GRIN2A: variants seen among roughly 807,000 people sequenced by gnomAD.
The protein encoded by GRIN2A is glutamate receptor ionotropic, NMDA 2A.
In GRIN2A, 22 loss-of-function variants were observed where a neutral mutation model predicts 113.4. The ratio of observed to expected loss-of-function variants is 0.19; its 90% confidence interval spans 0.14 to 0.28. GRIN2A has a LOEUF of 0.28. Ranked by LOEUF, GRIN2A falls within the 10% of genes least tolerant of loss-of-function variation. The pLI, the probability that GRIN2A is intolerant of heterozygous loss-of-function variation, is 1.00. For missense variants in GRIN2A, 1,502 were observed against 1,887.0 expected (o/e 0.80, Z 3.78); for synonymous variants, 827 against 738.4 (o/e 1.12, Z -1.94).
intron 2 of GRIN2A, among the ~76,000 whole-genome samples, chr16:9,982,472 C>A (rs2045909378): frequency 6.6e-6 from 1 of 152,174 alleles, no homozygotes; most frequent in African/African-American, 2.4e-5. Flanking sequence ...AAAGAGAAAT[C>A]TTCCTTTGTC....
intron 2 of GRIN2A, among the ~76,000 whole-genome samples, chr16:9,965,821 A>G (rs2045546734): frequency 6.6e-6 from 1 of 152,156 alleles, no homozygotes; most frequent in African/African-American, 2.4e-5. Flanking sequence ...TAGCCCCAAA[A>G]CACAGCCAAG....
At chr16:10,106,883 G>C (rs1470146455) in intron 2 of GRIN2A, among the ~76,000 whole-genome samples, 1 of 152,162 alleles carries the variant, frequency 6.6e-6, no homozygotes, top group African/African-American at 2.4e-5. Flanking sequence ...AAGCCTGGGT[G>C]TTATTTCAGC....
chr16:10,174,203 T>C lies in GRIN2A; in HGVS notation c.414+5795A>G, dbSNP rs370763380. ...GCTAGCTGTGGATGGTGCTGGAACATCTGCACCATCCACCATTAGTCACAG... is the reference window on the plus strand; with the variant it reads ...GCTAGCTGTGGATGGTGCTGGAACACCTGCACCATCCACCATTAGTCACAG... On this transcript the variant is annotated intron_variant, in intron 2 of 12. Coordinates refer to ENST00000330684, the MANE Select transcript of GRIN2A (RefSeq NM_001134407.3). Among the ~76,000 whole-genome samples the C allele has an allele frequency of 5.1e-4, 78 of 152,172 alleles. 2 individuals carry two copies. The East Asian group carries it at 0.011, about 21-fold the overall frequency.
chr16:10,152,483 T>G (rs141307771), intron 2 of GRIN2A, among the ~76,000 whole-genome samples: 11 of 152,294 alleles, frequency 7.2e-5, no homozygotes, highest in Non-Finnish European at 1.3e-4. Flanking sequence ...CTATTGAAAT[T>G]CTATACATCC....
chr16:9,853,270 T>C (rs1287944624), intron 4 of GRIN2A, among the ~76,000 whole-genome samples: 1 of 152,160 alleles, frequency 6.6e-6, no homozygotes, highest in Non-Finnish European at 1.5e-5. Flanking sequence ...ACAGACTGAA[T>C]ATTTGCGTCC....
rs566759089 is a variant in GRIN2A at position 9,870,889 on chromosome 16, C to T, written c.1122+20097G>A. Among the ~76,000 whole-genome samples, 9 of 152,208 alleles carry T rather than the reference C, an allele frequency of 5.9e-5. No homozygotes were observed. The South Asian group carries it at 1.5e-3, about 25-fold the overall frequency. Reference sequence around the variant, plus strand: ...CTGAGCTCAGGCAATTCACCCTCCTCGGCCTCCCTAAGTGCTAGGATTATA... The same window carrying T: ...CTGAGCTCAGGCAATTCACCCTCCTTGGCCTCCCTAAGTGCTAGGATTATA... On this transcript the variant is annotated intron_variant, in intron 4 of 12. Transcript: ENST00000330684.
chr16:9,930,350 G>A (rs1381160406), intron 3 of GRIN2A, among the ~76,000 whole-genome samples: 2 of 152,194 alleles, frequency 1.3e-5, no homozygotes, highest in Non-Finnish European at 2.9e-5. Flanking sequence ...AAGAAGTTAA[G>A]GAACTCTCCC....
intron 11 of GRIN2A, among the ~76,000 whole-genome samples, chr16:9,770,285 GATGTA>G (rs1901188751): frequency 1.3e-5 from 2 of 152,124 alleles, no homozygotes; most frequent in African/African-American, 2.4e-5. Context: ...TGATCTCTAA[GATGTA>G]ATGGGGACAT....
At chr16:9,955,874 C>A (rs1429390073) in intron 2 of GRIN2A, among the ~76,000 whole-genome samples, 1 of 152,192 alleles carries the variant, frequency 6.6e-6, no homozygotes, top group East Asian at 1.9e-4. Flanking sequence ...CCAGCTTCAA[C>A]AAACCAGGAA....
At chr16:9,810,542 TAGA>T (rs1249524595) in intron 10 of GRIN2A, among the ~76,000 whole-genome samples, 1 of 152,208 alleles carries the variant, frequency 6.6e-6, no homozygotes. Context: ...CTGGAGTCCT[TAGA>T]AGAAGAGGAG....
intron 3 of GRIN2A, among the ~76,000 whole-genome samples, chr16:9,915,614 T>A (rs2044234410): frequency 6.6e-6 from 1 of 152,192 alleles, no homozygotes; most frequent in African/African-American, 2.4e-5. Context: ...TCACAGTTGC[T>A]CTGTCCAATG....
chr16:10,042,830 T>C (rs573116760), intron 2 of GRIN2A, among the ~76,000 whole-genome samples: 3 of 152,262 alleles, frequency 2.0e-5, no homozygotes, highest in Admixed American at 6.5e-5. Context: ...CACATTTGTG[T>C]CTGTATGCAA....
At chr16:10,016,940 A>G (rs940871376) in intron 2 of GRIN2A, among the ~76,000 whole-genome samples, 2 of 152,200 alleles carry the variant, frequency 1.3e-5, no homozygotes, top group Non-Finnish European at 2.9e-5. Context: ...ATCATCAGTC[A>G]CACTGGAAAA....
chr16:9,779,353 C>CT (rs1461632918), intron 11 of GRIN2A, among the ~76,000 whole-genome samples: 2 of 152,206 alleles, frequency 1.3e-5, no homozygotes, highest in Non-Finnish European at 2.9e-5. Context: ...TTTTCAGTTT[C>CT]TTTTTTATCG....
intron 2 of GRIN2A, among the ~76,000 whole-genome samples, chr16:10,069,611 C>A (rs1427105510): frequency 6.6e-6 from 1 of 152,252 alleles, no homozygotes; most frequent in Non-Finnish European, 1.5e-5. Flanking sequence ...CCACCAGGGA[C>A]AGATATAGTA....
intron 2 of GRIN2A, among the ~76,000 whole-genome samples, chr16:10,005,551 A>T (rs1218716983): frequency 1.3e-5 from 2 of 152,334 alleles, no homozygotes; most frequent in East Asian, 1.9e-4. Context: ...GGGGGGGTCC[A>T]CGCCCTACCT....
chr16:9,816,055 A>C (rs1049740429), intron 10 of GRIN2A, among the ~76,000 whole-genome samples: 8 of 152,270 alleles, frequency 5.3e-5, no homozygotes, highest in African/African-American at 1.9e-4. Flanking sequence ...TACTTAGAGC[A>C]GTCAAAATCA....
intron 2 of GRIN2A, among the ~76,000 whole-genome samples, chr16:9,946,919 G>GACA (rs1186213664): frequency 6.6e-6 from 1 of 152,152 alleles, no homozygotes; most frequent in Non-Finnish European, 1.5e-5. Context: ...CACACCTGAA[G>GACA]ACAAATTCTC....
chr16:9,760,037 A>T lies in GRIN2A; in HGVS notation c.*3112T>A, dbSNP rs1488498956. The T allele has an allele frequency of 4.3e-6, 1 of 229,926 alleles. No individual in the cohort carries two copies. Among genetic ancestry groups the T allele is most frequent in the Non-Finnish European group, 8.6e-6 (1 of 116,032 alleles). The allele number at this position is 229,926 out of a possible 1,614,324, so 14.2% of individuals were successfully genotyped here. ...CTAGTTGGGTCCTTCTCAAGTGGGG[A>T]AAACCAATTAGAATTAACAAAATAT... On this transcript the variant is annotated 3_prime_UTR_variant, in exon 13 of 13. Coordinates refer to ENST00000330684, the MANE Select transcript of GRIN2A (RefSeq NM_001134407.3).
Sources: allele counts gnomAD v4.1 joint callset (sites outside exome capture counted in the v4.1 genomes callset), GRCh38; gene constraint gnomAD v4.1.1; transcripts MANE v1.5; gene names NCBI Gene and HGNC (gene_info 2026-07-23, HGNC 2026-07-21).